CNTN1: variants seen among roughly 807,000 people sequenced by gnomAD.
CNTN1 encodes contactin-1.
A neutral mutation model predicts 126.4 loss-of-function variants in CNTN1; 38 were observed. The ratio of observed to expected loss-of-function variants is 0.30; its 90% CI spans 0.23 to 0.39. CNTN1 has a LOEUF of 0.39. CNTN1 is among the 10% of genes least tolerant of loss of function. The probability of loss-of-function intolerance (pLI) is 1.00; values close to 1 mark genes in which losing one functional copy is unlikely to be tolerated. For synonymous variants in CNTN1, 413 were observed against 422.6 expected, an observed-to-expected ratio of 0.98 and a Z score of 0.28; for missense variants, 1,009 against 1,248.4, an observed-to-expected ratio of 0.81 and a Z score of 2.89.
At chr12:40,736,117 G>T (rs371707128) in intron 1 of CNTN1, among the ~76,000 whole-genome samples, 58 of 151,984 alleles carry the variant, frequency 3.8e-4, no homozygotes, top group African/African-American at 1.4e-3. Context: ...TGTGAGCCAG[G>T]GCCAGTTTCT....
chr12:40,803,506 C>T (rs2136488416), intron 1 of CNTN1, among the ~76,000 whole-genome samples: 2 of 152,024 alleles, frequency 1.3e-5, no homozygotes, highest in East Asian at 3.9e-4. Context: ...TTCTTAGTGT[C>T]TCAAACTAGA....
intron 6 of CNTN1, 49 bp downstream of exon 6, chr12:40,924,701 C>G: frequency 1.0e-6 from 1 of 981,900 alleles, no homozygotes; most frequent in Non-Finnish European, 1.6e-6. Flanking sequence ...ACAAAATGGA[C>G]AAGTTTCCAT....
In CNTN1 at chr12:40,746,408, G is replaced by C. The variant is rs1038996140; in HGVS notation, c.-77+53816G>C. Among the ~76,000 whole-genome samples the C allele has an allele frequency of 2.6e-5, 4 of 152,020 alleles. 1 individual carries two copies. The highest frequency in any genetic ancestry group is 4.1e-4 in the South Asian group (2 of 4,828). On this transcript the variant is annotated intron_variant, in intron 1 of 23. Transcript: ENST00000551295. ...AGGGTCTGCAGCAATCTCAATTCTT[G>C]CCTCCTTAGAAGAAAGAATTTGACT...
At chr12:40,960,601 T>G (rs1947071290) in intron 15 of CNTN1, among the ~76,000 whole-genome samples, 1 of 152,138 alleles carries the variant, frequency 6.6e-6, no homozygotes, top group Non-Finnish European at 1.5e-5. Context: ...TAGTTGAAGT[T>G]TCTTCATCTG....
At chr12:40,838,956 C>T (rs1942176747) in intron 1 of CNTN1, among the ~76,000 whole-genome samples, 1 of 151,904 alleles carries the variant, frequency 6.6e-6, no homozygotes, top group Admixed American at 6.6e-5. Context: ...GCAAAGAATT[C>T]AAAATATTTA....
At chr12:40,823,868 T>C (rs1471757032) in intron 1 of CNTN1, among the ~76,000 whole-genome samples, 1 of 152,156 alleles carries the variant, frequency 6.6e-6, no homozygotes, top group African/African-American at 2.4e-5. Context: ...TATTTTCTCA[T>C]TATCTCACCA....
At chr12:40,760,834 T>TACACACAC (rs1938833189) in intron 1 of CNTN1, among the ~76,000 whole-genome samples, 1 of 25,452 alleles carries the variant, frequency 3.9e-5, no homozygotes, top group African/African-American at 8.4e-5. Flanking sequence ...TTCAAAATAA[T>TACACACAC]GCACACACAC....
intron 20 of CNTN1, among the ~76,000 whole-genome samples, chr12:41,022,539 G>A (rs1948943273): frequency 6.6e-6 from 1 of 152,154 alleles, no homozygotes; most frequent in Non-Finnish European, 1.5e-5. Flanking sequence ...TAAATAACCT[G>A]TATTTAAGAA....
intron 15 of CNTN1, among the ~76,000 whole-genome samples, chr12:40,980,409 A>G (rs1005420008): frequency 1.3e-5 from 2 of 148,634 alleles, no homozygotes; most frequent in Non-Finnish European, 3.0e-5. Context: ...GATCATCCCC[A>G]CTGCACTCCA....
chr12:41,029,289 G>T (rs1464882674), intron 23 of CNTN1, 70 bp downstream of exon 23: 23 of 1,558,592 alleles, frequency 1.5e-5, no homozygotes, highest in Non-Finnish European at 1.9e-5. Context: ...GATTCCCAAG[G>T]GTAGGGATAA....
chr12:40,971,599 G>T (rs1947514649), intron 15 of CNTN1: 1 of 1,521,526 alleles, frequency 6.6e-7, no homozygotes, highest in African/African-American at 1.4e-5. Flanking sequence ...TGTAGCTTCT[G>T]CAGTTCTCCC....
intron 15 of CNTN1, among the ~76,000 whole-genome samples, chr12:40,973,849 C>G (rs1421387239): frequency 1.3e-5 from 2 of 152,226 alleles, no homozygotes; most frequent in East Asian, 3.9e-4. Context: ...ACTTTACATC[C>G]TGTTTATAAA....
At chr12:40,709,582 A>T (rs1321688939) in intron 1 of CNTN1, among the ~76,000 whole-genome samples, 1 of 152,192 alleles carries the variant, frequency 6.6e-6, no homozygotes, top group Non-Finnish European at 1.5e-5. Flanking sequence ...TTCCAGTATA[A>T]GGCTGTTTCG....
chr12:40,693,791 A>G (rs1941370027), intron 1 of CNTN1, among the ~76,000 whole-genome samples: 1 of 152,152 alleles, frequency 6.6e-6, no homozygotes, highest in South Asian at 2.1e-4. Flanking sequence ...GCGGGGCAAA[A>G]GGGAATCCAA....
At chr12:40,813,342 C>T (rs1941154321) in intron 1 of CNTN1, among the ~76,000 whole-genome samples, 1 of 151,750 alleles carries the variant, frequency 6.6e-6, no homozygotes, top group Non-Finnish European at 1.5e-5. Flanking sequence ...GTTCCCTCCC[C>T]TCAACCCCCA....
Position 40,707,073 on chromosome 12 carries a change from CACACACACACACACA to C in CNTN1, c.-77+14482_-77+14496del, listed in dbSNP as rs1565626074. Among the ~76,000 whole-genome samples the C allele has an allele frequency of 8.4e-4, 127 of 150,896 alleles. 1 individual carries two copies. The highest frequency in any genetic ancestry group is 2.9e-3 in the African/African-American group (118 of 40,496). ...ACACACACACACACACACACACACA[CACACACACACACACA>C]CCCCTGCTCAGATTAAGACTATAGA... On this transcript the variant is annotated intron_variant, in intron 1 of 23. Coordinates refer to ENST00000551295, the MANE Select transcript of CNTN1 (RefSeq NM_001843.4).
At chr12:40,836,682 T>G (rs757416810) in intron 1 of CNTN1, among the ~76,000 whole-genome samples, 3 of 152,184 alleles carry the variant, frequency 2.0e-5, no homozygotes, top group Non-Finnish European at 4.4e-5. Context: ...TTTAAACTAT[T>G]TAAGTATTTG....
At chr12:40,854,075 A>G (rs191319579) in intron 1 of CNTN1, among the ~76,000 whole-genome samples, 6 of 150,812 alleles carry the variant, frequency 4.0e-5, no homozygotes, top group Non-Finnish European at 7.4e-5. Flanking sequence ...TCTTTAACTC[A>G]TTCCTACTGT....
chr12:41,003,644 T>C (rs914513653), intron 17 of CNTN1, among the ~76,000 whole-genome samples: 4 of 152,056 alleles, frequency 2.6e-5, no homozygotes, highest in Admixed American at 1.3e-4. Flanking sequence ...TATTGGTCTG[T>C]TCAGGGATTC....
Sources: gnomAD v4.1 joint callset for allele counts (sites outside exome capture counted in the v4.1 genomes callset) on GRCh38, gnomAD v4.1.1 for gene constraint, MANE v1.5 for transcripts, NCBI Gene and HGNC (gene_info 2026-07-23, HGNC 2026-07-21) for gene names.